Variants in JMJD4 observed in about 807,000 individuals in gnomAD.
The protein encoded by JMJD4 is jumonji domain containing 4, also known as 2-oxoglutarate and iron-dependent oxygenase JMJD4.
A neutral mutation model predicts 36.3 loss-of-function variants in JMJD4; 34 were observed. That is an observed-to-expected ratio of 0.94 (90% CI 0.71 to 1.25). JMJD4 has a LOEUF of 1.25. Ranked by LOEUF, JMJD4 falls within the 50% of genes most tolerant of loss-of-function variation. The pLI, the probability that JMJD4 is intolerant of heterozygous loss-of-function variation, is 0.00. For missense variants in JMJD4, 584 were observed against 559.1 expected, an observed-to-expected ratio of 1.04 and a Z score of -0.45; for synonymous variants, 269 against 235.3, an observed-to-expected ratio of 1.14 and a Z score of -1.31.
rs1571963647 is a variant in JMJD4, at chr1:227,733,512, G to A, written c.724C>T (p.Pro242Ser). 2 of 1,595,102 alleles carry A rather than the reference G, an allele frequency of 1.3e-6. No homozygotes were observed. The highest frequency in any genetic ancestry group is 1.7e-6 in the Non-Finnish European group (2 of 1,170,002). Residue 242 changes from proline (P) to serine (S), a missense_variant, in exon 4 of 6, where the codon CCA becomes TCA. Pro to Ser is a moderately conservative substitution (Grantham distance 74, BLOSUM62 -1). Transcript: ENST00000620518. ...SPALCDTHLHPRNQLAGPPLE... is the reference protein window; with the variant it reads ...SPALCDTHLHSRNQLAGPPLE... ...GGTGGGCCAGCAAGCTGGTTCCGTG[G>A]GTGCAGGTGTGTGTCGCAGAGTGCT...
chr1:227,732,395 T>TG lies in JMJD4; in HGVS notation c.1250dup (p.Ter418IlefsTer25). On this transcript the variant is annotated frameshift_variant, in exon 6 of 6. Coordinates refer to ENST00000620518, the MANE Select transcript of JMJD4 (RefSeq NM_023007.3). LOFTEE classifies it high-confidence loss of function. ...CCTTCTATCCTCACGACAGGTGCTA[T>TG]GGGGCCGCAGCAGCATCAACAGCCT... is the stretch of plus-strand genomic sequence containing the variant. The TG allele has an allele frequency of 6.2e-7, 1 of 1,612,122 alleles. No homozygotes were observed. Among genetic ancestry groups the TG allele is most frequent in the South Asian group, 1.1e-5 (1 of 91,046 alleles).
chr1:227,735,292 A>G lies in JMJD4; in HGVS notation c.-19T>C. The G allele has an allele frequency of 6.2e-7, 1 of 1,605,882 alleles. No homozygotes were observed. The highest frequency in any genetic ancestry group is 8.5e-7 in the Non-Finnish European group (1 of 1,177,764). On this transcript the variant is annotated 5_prime_UTR_variant, in exon 1 of 6. Transcript: ENST00000620518. The stretch of plus-strand genomic sequence containing the variant: ...GGTCCATCCAGCTCAGCACGGGTCG[A>G]AGGACCCTCCTCCTCACTTCCGCCG...
chr1:227,732,230 C>T lies in JMJD4; in HGVS notation c.*162G>A. On this transcript the variant is annotated 3_prime_UTR_variant, in exon 6 of 6. Transcript: ENST00000620518. Reference sequence around the variant, plus strand: ...TTGGGTCCCTGACCTCATTGGGCCTCACCTGAAAACAGGCACCCAGGCAGT... The same window carrying T: ...TTGGGTCCCTGACCTCATTGGGCCTTACCTGAAAACAGGCACCCAGGCAGT... 1 of 783,448 alleles carries T rather than the reference C, an allele frequency of 1.3e-6. No individual in the cohort carries two copies. The highest frequency in any genetic ancestry group is 2.1e-6 in the Non-Finnish European group (1 of 480,910). The allele number at this position is 783,448 out of a possible 1,614,324, so 48.5% of individuals were successfully genotyped here.
At position 227,732,650 on chromosome 1, in the gene JMJD4, G is replaced by C; in HGVS notation, c.996C>G (p.Ile332Met). The C allele has an allele frequency of 6.2e-7, 1 of 1,613,260 alleles. No individual in the cohort carries two copies. ...GGAAGTGGTAAAACTCTTCAAAGTT[G>C]ATGCCCGAGCAGGACCTCATGATGA... The part of the protein sequence containing the change: ...CQVIMRSCSG[I>M]NFEEFYHFLK... Residue 332 changes from isoleucine (I) to methionine (M), a missense_variant, in exon 6 of 6, where the codon ATC becomes ATG. Transcript: ENST00000620518.
rs145226245 is a variant in JMJD4 at position 227,732,284 on chromosome 1, G to C, written c.*108C>G. 4 of 1,338,706 alleles carry C rather than the reference G, an allele frequency of 3.0e-6. No individual in the cohort carries two copies. Among genetic ancestry groups the C allele is most frequent in the East Asian group, 2.3e-5 (1 of 43,224 alleles). 82.9% of individuals were successfully genotyped at this position (1,338,706 alleles called of 1,614,324 possible). A position where few individuals can be genotyped will look rare whatever the true frequency, so the allele number is the denominator to read the frequency against. On this transcript the variant is annotated 3_prime_UTR_variant, in exon 6 of 6. Coordinates refer to ENST00000620518, the MANE Select transcript of JMJD4 (RefSeq NM_023007.3). ...CATGAACAGCCAGGCCACAAGCCTC[G>C]ACAGGGGTGGGCCCCAGGTCACAGG...
rs923361692 is a variant in JMJD4, at chr1:227,733,109, AC to A, written c.823-83del. 107 of 1,475,588 alleles carry A rather than the reference AC, an allele frequency of 7.3e-5. No homozygotes were observed. The African/African-American group carries it at 1.3e-3, about 18-fold the overall frequency. The allele number at this position is 1,475,588 out of a possible 1,614,324, so 91.4% of individuals were successfully genotyped here. A position where few individuals can be genotyped will look rare whatever the true frequency, so the allele number is the denominator to read the frequency against. ...CCCACATCTCCTGCGCCAGGAACCC[AC>A]TGTGGGGTCCAGCCCTCTGCAGCCA... is the stretch of plus-strand genomic sequence containing the variant. On this transcript the variant is annotated intron_variant, in intron 4 of 5. Coordinates refer to ENST00000620518, the MANE Select transcript of JMJD4 (RefSeq NM_023007.3).
intron 5 of JMJD4, 82 bp downstream of exon 5, chr1:227,732,799 C>T: frequency 6.3e-7 from 1 of 1,594,018 alleles, no homozygotes; most frequent in South Asian, 1.1e-5. Context: ...CACTGAGAAG[C>T]TGCGCGGTGA....
At position 227,733,044 on chromosome 1, in the gene JMJD4, G is replaced by A. The variant is rs1016504689; in HGVS notation, c.823-17C>T. The A allele has an allele frequency of 6.8e-6, 11 of 1,612,898 alleles. No homozygotes were observed. The highest frequency in any genetic ancestry group is 9.3e-6 in the Non-Finnish European group (11 of 1,179,852). ...GGTGTCATCCTGGAAGGGGCACAGT[G>A]CAGGCAGGCCTGAGCCCATGGCAGG... is the stretch of plus-strand genomic sequence containing the variant. On this transcript the variant is annotated splice_polypyrimidine_tract_variant and intron_variant, in intron 4 of 5. Coordinates refer to ENST00000620518, the MANE Select transcript of JMJD4 (RefSeq NM_023007.3).
At chr1:227,734,326 G>A (rs141876853) in intron 2 of JMJD4, 5 of 407,368 alleles carry the variant, frequency 1.2e-5, no homozygotes, top group African/African-American at 4.4e-5. Flanking sequence ...GACCAGCCTG[G>A]GCAACATGGT....
At position 227,735,255 on chromosome 1, in the gene JMJD4, C is replaced by G; in HGVS notation, c.19G>C (p.Ala7Pro). 3 of 1,602,960 alleles carry G rather than the reference C, an allele frequency of 1.9e-6. No individual in the cohort carries two copies. Among genetic ancestry groups the G allele is most frequent in the Non-Finnish European group, 2.6e-6 (3 of 1,175,734 alleles). Reference protein sequence around the residue: MDRETRALADSHFRGLG... With the variant: MDRETRPLADSHFRGLG... ...CCTCGGAAGTGGCTGTCGGCGAGGG[C>G]GCGCGTCTCGCGGTCCATCCAGCTC... Residue 7 changes from alanine (A) to proline (P), a missense_variant, in exon 1 of 6, where the codon GCC becomes CCC. Physicochemically the swap from Ala to Pro is conservative, Grantham distance 27. Coordinates refer to ENST00000620518, the MANE Select transcript of JMJD4 (RefSeq NM_023007.3).
chr1:227,734,954 C>A, intron 1 of JMJD4, 58 bp downstream of exon 1: 1 of 1,500,330 alleles, frequency 6.7e-7, no homozygotes, highest in East Asian at 2.4e-5. Flanking sequence ...GGGGGCCTCC[C>A]GGGCCTGGGT....
In JMJD4 at chr1:227,732,283, C is replaced by G. The variant is rs1345026264; in HGVS notation, c.*109G>C. The G allele has an allele frequency of 3.0e-6, 4 of 1,329,010 alleles. No homozygotes were observed. The highest frequency in any genetic ancestry group is 4.2e-6 in the Non-Finnish European group (4 of 947,624). The allele number at this position is 1,329,010 out of a possible 1,614,324, so 82.3% of individuals were successfully genotyped here. A position where few individuals can be genotyped will look rare whatever the true frequency, so the allele number is the denominator to read the frequency against. On this transcript the variant is annotated 3_prime_UTR_variant, in exon 6 of 6. Coordinates refer to ENST00000620518, the MANE Select transcript of JMJD4 (RefSeq NM_023007.3). Reference sequence around the variant, plus strand: ...CCATGAACAGCCAGGCCACAAGCCTCGACAGGGGTGGGCCCCAGGTCACAG... The same window carrying G: ...CCATGAACAGCCAGGCCACAAGCCTGGACAGGGGTGGGCCCCAGGTCACAG...
At position 227,732,381 on chromosome 1, in the gene JMJD4, C is replaced by T. The variant is rs1233444182; in HGVS notation, c.*11G>A. On this transcript the variant is annotated 3_prime_UTR_variant, in exon 6 of 6. Transcript: ENST00000620518. ...TCTCTTCCACCCGTCCTTCTATCCTCACGACAGGTGCTATGGGGCCGCAGC... is the reference window on the plus strand; with the variant it reads ...TCTCTTCCACCCGTCCTTCTATCCTTACGACAGGTGCTATGGGGCCGCAGC... 4.3e-6 allele frequency: 7 copies of T among 1,610,620 alleles called. No homozygotes were observed. Among genetic ancestry groups the T allele is most frequent in the Non-Finnish European group, 5.9e-6 (7 of 1,178,988 alleles).
chr1:227,733,000 A>C lies in JMJD4; in HGVS notation c.850T>G (p.Trp284Gly). ...TTGGCCAGGTTGAAGCCATTGACCC[A>C]GTTGTGGTTGATGGAGATGGTGTCA... ...LDDTISINHN[W>G]VNGFNLANMW... is the part of the protein sequence containing the mutation. Residue 284 changes from tryptophan to glycine, a missense_variant, in exon 5 of 6, where the codon TGG becomes GGG. Physicochemically the swap from Trp to Gly is radical, Grantham distance 184. Transcript: ENST00000620518. 1.9e-6 allele frequency: 3 copies of C among 1,613,468 alleles called. No homozygotes were observed. The highest frequency in any genetic ancestry group is 2.5e-6 in the Non-Finnish European group (3 of 1,179,998).
Position 227,734,007 on chromosome 1 carries a change from T to C in JMJD4, c.454A>G (p.Thr152Ala). 1 of 1,613,078 alleles carries C rather than the reference T, an allele frequency of 6.2e-7. No individual in the cohort carries two copies. Among genetic ancestry groups the C allele is most frequent in the Non-Finnish European group, 8.5e-7 (1 of 1,179,854 alleles). Residue 152 changes from threonine to alanine, a missense_variant, in exon 3 of 6, where the codon ACC becomes GCC. Physicochemically the swap from Thr to Ala is moderately conservative, Grantham distance 58. Transcript: ENST00000620518. ...TCGGACGAGAAGTACACAGGCAGGG[T>C]GAAAACGTCCTCCACCGGAAAGTCC... ...CRDFPVEDVF[T>A]LPVYFSSDWL...
Position 227,735,190 on chromosome 1 carries a change from G to A in JMJD4, c.84C>T (p.Gly28=). The stretch of plus-strand genomic sequence containing the variant: ...CCGGCTCCGAGACGAAGGCTACCCG[G>A]CCCGGAGCCTGGCCGACGCCGGGGA... ...VDVPGVGQAP[G]RVAFVSEPGA... is the part of the protein sequence containing the mutation. Residue 28 remains glycine, a synonymous_variant, in exon 1 of 6, where the codon GGC becomes GGT. Coordinates refer to ENST00000620518, the MANE Select transcript of JMJD4 (RefSeq NM_023007.3). 1 of 1,581,470 alleles carries A rather than the reference G, an allele frequency of 6.3e-7. No homozygotes were observed. Among genetic ancestry groups the A allele is most frequent in the African/African-American group, 1.4e-5 (1 of 74,052 alleles).
rs921386128 is a variant in JMJD4 at position 227,732,135 on chromosome 1, G to A, written c.*257C>T. ...GCCTAAGGAGGCAGGGCCCCCAAAA[G>A]AGCCAGGTCCTGGCACCATCTCCGA... On this transcript the variant is annotated 3_prime_UTR_variant, in exon 6 of 6. Transcript: ENST00000620518. 25 of 569,400 alleles carry A rather than the reference G, an allele frequency of 4.4e-5. No individual in the cohort carries two copies. The highest frequency in any genetic ancestry group is 6.3e-5 in the Non-Finnish European group (20 of 318,888). The allele number at this position is 569,400 out of a possible 1,614,324, so 35.3% of individuals were successfully genotyped here.
In JMJD4 at chr1:227,735,047, C is replaced by A. The variant is rs1660986869; in HGVS notation, c.227G>T (p.Gly76Val). The A allele has an allele frequency of 6.4e-7, 1 of 1,555,332 alleles. No individual in the cohort carries two copies. The highest frequency in any genetic ancestry group is 8.7e-7 in the Non-Finnish European group (1 of 1,151,340). ...GSRRRWVTPA[G>V]RPDFDHLLRT... is the part of the protein sequence containing the mutation. ...TAGCAGGTGGTCGAAGTCGGGCCTCCCCGCGGGCGTCACCCAGCGCCGCCG... is the reference window on the plus strand; with the variant it reads ...TAGCAGGTGGTCGAAGTCGGGCCTCACCGCGGGCGTCACCCAGCGCCGCCG... Residue 76 changes from glycine (G) to valine (V), a missense_variant, in exon 1 of 6, where the codon GGG becomes GTG. Coordinates refer to ENST00000620518, the MANE Select transcript of JMJD4 (RefSeq NM_023007.3).
chr1:227,734,607 G>C (rs1426261350), intron 2 of JMJD4, 44 bp downstream of exon 2: 1 of 1,604,606 alleles, frequency 6.2e-7, no homozygotes, highest in African/African-American at 1.3e-5. Context: ...GGTTCACGCA[G>C]CGCTAGGGAA....
Sources: allele counts gnomAD v4.1 joint callset, GRCh38; gene constraint gnomAD v4.1.1; transcripts MANE v1.5; gene names NCBI Gene and HGNC (gene_info 2026-07-23, HGNC 2026-07-21).